Variants in CELF5 observed in about 807,000 individuals in gnomAD.
The protein encoded by CELF5 is CUG-BP and ETR-3 like factor 5.
CELF5 carries 6 observed loss-of-function variants against 54.9 expected under a neutral mutation model. The ratio of observed to expected loss-of-function variants is 0.11; its 90% CI spans 0.06 to 0.22. The LOEUF is 0.22. Ranked by LOEUF, CELF5 falls within the 10% of genes least tolerant of loss-of-function variation. CELF5 has a pLI of 1.00. For synonymous variants in CELF5, 271 were observed against 290.9 expected (o/e 0.93, Z 0.70); for missense variants, 401 against 678.6 (o/e 0.59, Z 4.54).
Position 3,293,464 on chromosome 19 carries a change from C to T in CELF5, c.*18C>T, listed in dbSNP as rs1223999932. On this transcript the variant is annotated 3_prime_UTR_variant, in exon 12 of 13. Transcript: ENST00000292672. ...CCTACTGACCGCGCCCACAGCCGCCCTGAGGCTGTAGGCATGGCCCAGGTG... is the reference window on the plus strand; with the variant it reads ...CCTACTGACCGCGCCCACAGCCGCCTTGAGGCTGTAGGCATGGCCCAGGTG... The T allele has an allele frequency of 6.2e-7, 1 of 1,613,472 alleles. No homozygotes were observed. The highest frequency in any genetic ancestry group is 1.7e-5 in the Admixed American group (1 of 59,986).
At chr19:3,280,129 T>C (rs1410967908) in intron 5 of CELF5, among the ~76,000 whole-genome samples, 1 of 152,202 alleles carries the variant, frequency 6.6e-6, no homozygotes, top group Non-Finnish European at 1.5e-5. Context: ...AGCCCAGCCC[T>C]GTGGCACCTG....
At chr19:3,265,537 C>T (rs2316047) in intron 2 of CELF5, among the ~76,000 whole-genome samples, 7 of 151,964 alleles carry the variant, frequency 4.6e-5, no homozygotes, top group Non-Finnish European at 8.8e-5. Flanking sequence ...GAGACAGAGT[C>T]TCGCTGTTTT....
At chr19:3,261,212 G>A (rs1277433538) in intron 2 of CELF5, among the ~76,000 whole-genome samples, 3 of 152,112 alleles carry the variant, frequency 2.0e-5, no homozygotes, top group Admixed American at 1.3e-4. Context: ...GAGGTCAGGA[G>A]TTCAAGACCA....
intron 11 of CELF5, among the ~76,000 whole-genome samples, chr19:3,291,071 G>A (rs1293207887): frequency 6.6e-6 from 1 of 151,550 alleles, no homozygotes; most frequent in East Asian, 2.0e-4. Context: ...GACCAGCCTG[G>A]GCAACATAGC....
At chr19:3,249,074 G>A (rs2079611899) in intron 1 of CELF5, among the ~76,000 whole-genome samples, 1 of 151,954 alleles carries the variant, frequency 6.6e-6, no homozygotes, top group South Asian at 2.1e-4. Flanking sequence ...AGCCCAGCTG[G>A]CGGGAGCGAC....
Position 3,282,030 on chromosome 19 carries a change from G to C in CELF5, c.751-96G>C. 7.2e-7 allele frequency: 1 copy of C among 1,394,752 alleles called. No homozygotes were observed. Among genetic ancestry groups the C allele is most frequent in the Admixed American group, 1.7e-5 (1 of 58,596 alleles). 86.4% of individuals were successfully genotyped at this position (1,394,752 alleles called of 1,614,324 possible). ...CAGCCTGAGCCAAGATACCCAGCCTGACCTCCTCACTAGTAACTGGGGTAC... is the reference window on the plus strand; with the variant it reads ...CAGCCTGAGCCAAGATACCCAGCCTCACCTCCTCACTAGTAACTGGGGTAC... On this transcript the variant is annotated intron_variant, in intron 6 of 12. Coordinates refer to ENST00000292672, the MANE Select transcript of CELF5 (RefSeq NM_021938.4). The surrounding 1 kb of genome is among the most constrained non-coding windows in gnomAD (Gnocchi z 5.2).
chr19:3,275,731 G>A lies in CELF5; in HGVS notation c.395-125G>A, dbSNP rs1393591525. ...CCTCCCTCGCACGCGCAGAACCGGAGCCGGCAGGGCCCGGGCGCCGCGTCT... is the reference window on the plus strand; with the variant it reads ...CCTCCCTCGCACGCGCAGAACCGGAACCGGCAGGGCCCGGGCGCCGCGTCT... On this transcript the variant is annotated intron_variant, in intron 3 of 12. Transcript: ENST00000292672. This position sits in a 1 kb window ranked among gnomAD's most constrained non-coding sequence, Gnocchi z 6.7. 8.6e-6 allele frequency: 9 copies of A among 1,050,562 alleles called. No homozygotes were observed. The highest frequency in any genetic ancestry group is 1.6e-5 in the African/African-American group (1 of 61,576). 65.1% of individuals were successfully genotyped at this position (1,050,562 alleles called of 1,614,324 possible).
intron 1 of CELF5, among the ~76,000 whole-genome samples, chr19:3,239,950 T>C (rs912522189): frequency 6.6e-6 from 1 of 151,262 alleles, no homozygotes; most frequent in Non-Finnish European, 1.5e-5. Flanking sequence ...CCAGCAGTTC[T>C]TTGCCTGTTT....
chr19:3,272,767 G>T (rs2079987724), intron 2 of CELF5, among the ~76,000 whole-genome samples: 1 of 152,166 alleles, frequency 6.6e-6, no homozygotes, highest in Admixed American at 6.5e-5. Flanking sequence ...GTCCCTGCAT[G>T]GGGGCTTTTA....
intron 2 of CELF5, among the ~76,000 whole-genome samples, chr19:3,253,102 A>G (rs1003523086): frequency 2.1e-5 from 2 of 94,662 alleles, no homozygotes; most frequent in African/African-American, 4.0e-5. Context: ...AAAGTACATT[A>G]AAAAAAAAAA....
chr19:3,241,518 CAAGGCTGCACACCTG>C, intron 1 of CELF5, among the ~76,000 whole-genome samples: 1 of 152,000 alleles, frequency 6.6e-6, no homozygotes, highest in South Asian at 2.1e-4. Flanking sequence ...AGGTGTGCAG[CAAGGCTGCACACCTG>C]CCTCTGGTGC....
intron 2 of CELF5, chr19:3,270,786 C>G (rs1363558870): frequency 6.6e-6 from 1 of 152,228 alleles, no homozygotes; most frequent in African/African-American, 2.4e-5. Context: ...CAGACCAGGA[C>G]CCCCTCTCCC....
At chr19:3,251,652 CTTTTTTTTTT>C (rs1195812856) in intron 2 of CELF5, among the ~76,000 whole-genome samples, 1 of 67,110 alleles carries the variant, frequency 1.5e-5, no homozygotes, top group Admixed American at 1.9e-4. Flanking sequence ...ACAAGGGCTT[CTTTTTTTTTT>C]TTTTTTTTTT....
chr19:3,238,637 T>C (rs774673862), intron 1 of CELF5, among the ~76,000 whole-genome samples: 3 of 151,896 alleles, frequency 2.0e-5, no homozygotes, highest in Admixed American at 1.3e-4. Flanking sequence ...CTCTGTGTTA[T>C]AAGGACACTT....
chr19:3,263,228 CAG>C (rs1422619030), intron 2 of CELF5, among the ~76,000 whole-genome samples: 1 of 117,716 alleles, frequency 8.5e-6, no homozygotes, highest in Non-Finnish European at 1.7e-5. Context: ...GCCTGGGCAA[CAG>C]AGCGAGATTC....
At position 3,224,946 on chromosome 19, in the gene CELF5, C is replaced by T; in HGVS notation, c.207C>T (p.Gly69=). 6.2e-7 allele frequency: 1 copy of T among 1,609,720 alleles called. No individual in the cohort carries two copies. The highest frequency in any genetic ancestry group is 8.5e-7 in the Non-Finnish European group (1 of 1,178,368). Residue 69 remains glycine (G), a synonymous_variant, in exon 1 of 13, where the codon GGC becomes GGT. Coordinates refer to ENST00000292672, the MANE Select transcript of CELF5 (RefSeq NM_021938.4). ...TCAAGCCGCTCTTCGAGCAGTTCGG[C>T]CGCATCTACGAGCTCACGGTGCTCA... The part of the protein sequence containing the change: ...KDLKPLFEQF[G]RIYELTVLKD...
intron 11 of CELF5, among the ~76,000 whole-genome samples, chr19:3,290,614 A>C (rs1599489347): frequency 7.1e-6 from 1 of 141,600 alleles, no homozygotes; most frequent in Non-Finnish European, 1.5e-5. Flanking sequence ...CCCAGGCTGG[A>C]GTGCAGTGGT....
intron 11 of CELF5, among the ~76,000 whole-genome samples, chr19:3,291,759 G>A (rs1161830840): frequency 6.6e-6 from 1 of 151,530 alleles, no homozygotes; most frequent in Admixed American, 6.6e-5. Flanking sequence ...GGGAGAGAGG[G>A]AGGAGGGGGA....
chr19:3,266,907 G>T (rs1216782285), intron 2 of CELF5, among the ~76,000 whole-genome samples: 1 of 152,182 alleles, frequency 6.6e-6, no homozygotes, highest in Non-Finnish European at 1.5e-5. Context: ...GAAGCACGAG[G>T]TTCGCCCTGT....
Sources: gnomAD v4.1 joint callset for allele counts (sites outside exome capture counted in the v4.1 genomes callset) on GRCh38, gnomAD v4.1.1 for gene constraint, Gnocchi (gnomAD v3.1) non-coding constraint, MANE v1.5 for transcripts, NCBI Gene and HGNC (gene_info 2026-07-23, HGNC 2026-07-21) for gene names.